The following UBA52 variants were observed in gnomAD, a reference collection of about 807,000 sequenced individuals.
UBA52 encodes ubiquitin-ribosomal protein eL40 fusion protein.
Under a neutral mutation model 15.3 loss-of-function variants are expected in UBA52, and 1 was observed. The observed-to-expected ratio is 0.07, with a 90% confidence interval of 0.02 to 0.31. The LOEUF is 0.31. Among genes scored for constraint, UBA52 ranks in the 10% least tolerant of loss-of-function variants. The probability of loss-of-function intolerance (pLI) is 1.00; values close to 1 mark genes in which losing one functional copy is unlikely to be tolerated. For missense variants in UBA52, 87 were observed against 168.0 expected (o/e 0.52, Z 2.66); for synonymous variants, 50 against 58.3 (o/e 0.86, Z 0.65).
At chr19:18,565,252 C>T in the UBA52 span, 595 of 1,150,980 alleles carry the variant, frequency 5.2e-4, 1 homozygote, top group Non-Finnish European at 6.1e-4. Context: ...TTTTTGGAGA[C>T]GGAGTCTCGC....
At chr19:18,564,118 C>T in the UBA52 span, among the ~76,000 whole-genome samples, 1 of 151,686 alleles carries the variant, frequency 6.6e-6, no homozygotes, top group African/African-American at 2.4e-5. Context: ...AACTCCTGAC[C>T]TCATGATCTG....
intron 1 of UBA52, chr19:18,572,720 A>T: frequency 1.1e-6 from 1 of 924,758 alleles, no homozygotes; most frequent in Non-Finnish European, 1.3e-6. Context: ...GTTTGGGGTC[A>T]AGGCAAGAAG....
At chr19:18,573,251 T>C (rs1975598071) in intron 1 of UBA52, 42 bp from the exon 2 acceptor site, 1 of 1,573,588 alleles carries the variant, frequency 6.4e-7, no homozygotes, top group Admixed American at 1.7e-5. Context: ...TACTCAGGCA[T>C]GCATTGCTCA....
At chr19:18,567,259 G>C, upstream of UBA52, 1 of 1,411,304 alleles carries the variant, frequency 7.1e-7, no homozygotes, top group Non-Finnish European at 1.0e-6. Context: ...CCACCTTGGG[G>C]CCTGATACTG....
At chr19:18,564,604 C>T in the UBA52 span, among the ~76,000 whole-genome samples, 39 of 152,168 alleles carry the variant, frequency 2.6e-4, no homozygotes, top group African/African-American at 9.2e-4. Flanking sequence ...GCCTGGGTGA[C>T]GAAGCAAGAC....
chr19:18,577,470 T>C lies in UBA52; in HGVS notation c.*2320T>C, dbSNP rs1975835365. The C allele has an allele frequency of 6.6e-6, 1 of 152,162 alleles. No individual in the cohort carries two copies. The highest frequency in any genetic ancestry group is 2.4e-5 in the African/African-American group (1 of 41,448). The allele number at this position is 152,162 out of a possible 1,614,324, so 9.4% of individuals were successfully genotyped here. A position where few individuals can be genotyped will look rare whatever the true frequency, so the allele number is the denominator to read the frequency against. On this transcript the variant is annotated 3_prime_UTR_variant, in exon 5 of 5. Transcript: ENST00000442744. ...AAACAGCTGCTGCTCACTCTCCTGG[T>C]CCGTGGACTCTTTTTGAACTGTTAA... is the stretch of plus-strand genomic sequence containing the variant.
upstream of UBA52, chr19:18,568,309 G>T: frequency 3.5e-6 from 3 of 851,194 alleles, no homozygotes; most frequent in East Asian, 2.4e-5. Flanking sequence ...CCCATGGGGT[G>T]AGGGCAGCCG....
In UBA52 at chr19:18,575,191, C is replaced by A; in HGVS notation, c.*41C>A. 1.2e-6 allele frequency: 2 copies of A among 1,612,046 alleles called. No individual in the cohort carries two copies. The highest frequency in any genetic ancestry group is 1.1e-5 in the South Asian group (1 of 90,932). On this transcript the variant is annotated 3_prime_UTR_variant, in exon 5 of 5. Coordinates refer to ENST00000442744, the MANE Select transcript of UBA52 (RefSeq NM_001033930.3). The stretch of plus-strand genomic sequence containing the variant: ...GAAGGGCAGCCTCCTGCCCAGGCCC[C>A]GTGGCCCTGGAGCCTCAATAAAGTG...
At chr19:18,570,598 ACC>A (rs954327570), upstream of UBA52, among the ~76,000 whole-genome samples, 6 of 122,692 alleles carry the variant, frequency 4.9e-5, no homozygotes, top group Non-Finnish European at 8.1e-5. Flanking sequence ...TGCAACCTCC[ACC>A]TCCCGGATTC....
chr19:18,568,319 G>T, upstream of UBA52: 4 of 999,942 alleles, frequency 4.0e-6, no homozygotes, highest in Non-Finnish European at 6.2e-6. Context: ...GAGGGCAGCC[G>T]TTAGGGGTCA....
At chr19:18,567,861 G>A (rs148535616), upstream of UBA52, among the ~76,000 whole-genome samples, 3 of 152,278 alleles carry the variant, frequency 2.0e-5, no homozygotes, top group East Asian at 1.9e-4. Context: ...AGCCAGGTTC[G>A]CCCTCAGGGC....
chr19:18,566,280 C>G, the UBA52 span, among the ~76,000 whole-genome samples: 2 of 151,910 alleles, frequency 1.3e-5, no homozygotes, highest in East Asian at 3.9e-4. Flanking sequence ...GAAACCCCGT[C>G]TCTACTAAAA....
the UBA52 span, among the ~76,000 whole-genome samples, chr19:18,566,351 C>G: frequency 6.6e-6 from 1 of 151,156 alleles, no homozygotes; most frequent in Non-Finnish European, 1.5e-5. Flanking sequence ...GTCTGTATTG[C>G]CAGCTACTCG....
chr19:18,575,356 T>A lies in UBA52; in HGVS notation c.*206T>A. Reference sequence around the variant, plus strand: ...ACCTGTGGGGTCTTCTGTCCTAGATTCTGTCACATCGGCATTGGTCCCTGC... The same window carrying A: ...ACCTGTGGGGTCTTCTGTCCTAGATACTGTCACATCGGCATTGGTCCCTGC... On this transcript the variant is annotated 3_prime_UTR_variant, in exon 5 of 5. Coordinates refer to ENST00000442744, the MANE Select transcript of UBA52 (RefSeq NM_001033930.3). The A allele has an allele frequency of 1.7e-6, 1 of 594,958 alleles. No homozygotes were observed. The highest frequency in any genetic ancestry group is 3.0e-5 in the Admixed American group (1 of 33,358). 36.9% of individuals were successfully genotyped at this position (594,958 alleles called of 1,614,324 possible).
At chr19:18,571,310 C>A (rs891637894), upstream of UBA52, among the ~76,000 whole-genome samples, 178 of 108,042 alleles carry the variant, frequency 1.6e-3, no homozygotes, top group Middle Eastern at 5.5e-3. Context: ...AACTCCGTCT[C>A]AAAAAAAAAA....
At chr19:18,570,015 G>T (rs899974161), upstream of UBA52, among the ~76,000 whole-genome samples, 5 of 152,116 alleles carry the variant, frequency 3.3e-5, no homozygotes, top group African/African-American at 1.2e-4. Flanking sequence ...TGGGCAAAAA[G>T]ACCAAAACTG....
chr19:18,570,937 T>C (rs1975458248), upstream of UBA52, among the ~76,000 whole-genome samples: 2 of 151,054 alleles, frequency 1.3e-5, no homozygotes, highest in South Asian at 4.2e-4. Flanking sequence ...TCCGCACATC[T>C]CGGCCTCCCA....
chr19:18,574,839 C>T, intron 3 of UBA52, 31 bp from the exon 4 acceptor site: 1 of 1,609,740 alleles, frequency 6.2e-7, no homozygotes, highest in Non-Finnish European at 8.5e-7. Context: ...GGGCTGGGCT[C>T]AGTCGCCGTC....
rs1220070459 is a variant in UBA52 at position 18,576,648 on chromosome 19, T to C, written c.*1498T>C. 1 of 150,580 alleles carries C rather than the reference T, an allele frequency of 6.6e-6. No individual in the cohort carries two copies. The highest frequency in any genetic ancestry group is 6.6e-5 in the Admixed American group (1 of 15,172). The allele number at this position is 150,580 out of a possible 1,614,324, so 9.3% of individuals were successfully genotyped here. On this transcript the variant is annotated 3_prime_UTR_variant, in exon 5 of 5. Transcript: ENST00000442744. ...AACTTAAAAGCCTCCTGTTTAGTTT[T>C]GGTTTTTTATCACTTTTTTTTTTTT...
Sources: allele counts gnomAD v4.1 joint callset (sites outside exome capture counted in the v4.1 genomes callset), GRCh38; gene constraint gnomAD v4.1.1; transcripts MANE v1.5; gene names NCBI Gene and HGNC (gene_info 2026-07-23, HGNC 2026-07-21).